The following HELQ variants were observed in gnomAD, a reference collection of about 807,000 sequenced individuals.
HELQ encodes the protein helicase, POLQ like.
In HELQ, 77 loss-of-function variants were observed where a neutral mutation model predicts 111.6. The observed-to-expected ratio is 0.69, with a 90% CI of 0.57 to 0.83. The LOEUF (loss-of-function observed/expected upper bound fraction) is 0.83. Ranked by LOEUF, HELQ falls within the 40% of genes least tolerant of loss-of-function variation. The probability of loss-of-function intolerance (pLI) is 0.00; values close to 1 mark genes in which losing one functional copy is unlikely to be tolerated. For missense variants in HELQ, 1,200 were observed against 1,288.5 expected (o/e 0.93, Z 1.05); for synonymous variants, 438 against 454.7 (o/e 0.96, Z 0.47).
intron 6 of HELQ, among the ~76,000 whole-genome samples, chr4:83,441,709 T>C (rs188967817): frequency 5.3e-5 from 8 of 152,128 alleles, no homozygotes; most frequent in Admixed American, 3.3e-4. Flanking sequence ...GTGTGAGTCT[T>C]GGTGTTCTTA....
At chr4:83,439,207 A>G (rs1720628435) in intron 8 of HELQ, among the ~76,000 whole-genome samples, 1 of 151,868 alleles carries the variant, frequency 6.6e-6, no homozygotes, top group Non-Finnish European at 1.5e-5. Flanking sequence ...AGCTAGGACT[A>G]CAGGTGCACG....
chr4:83,449,435 A>C (rs1721229957), intron 2 of HELQ, among the ~76,000 whole-genome samples: 1 of 152,254 alleles, frequency 6.6e-6, no homozygotes, highest in South Asian at 2.1e-4. Context: ...CAAACTAATA[A>C]AAACTTTAAC....
At chr4:83,445,978 A>G in intron 5 of HELQ, 36 bp downstream of exon 5, 1 of 1,297,052 alleles carries the variant, frequency 7.7e-7, no homozygotes, top group Non-Finnish European at 1.1e-6. Flanking sequence ...TCTTGATTAT[A>G]AATCAATTCA....
At chr4:83,412,909 T>A (rs1250761590) in intron 17 of HELQ, among the ~76,000 whole-genome samples, 1 of 152,232 alleles carries the variant, frequency 6.6e-6, no homozygotes, top group Non-Finnish European at 1.5e-5. Flanking sequence ...GCCAGAAGAA[T>A]CTGAACAGAC....
rs1428061433 is a variant in HELQ at position 83,429,638 on chromosome 4, A to G, written c.2404T>C (p.Ser802Pro). Residue 802 changes from serine to proline, a missense_variant, in exon 12 of 18, where the codon TCA becomes CCA. By Grantham distance (74) the Ser-to-Pro change is moderately conservative. Around this residue, in one of 3 missense-constraint regions of HELQ, gnomAD observed 585 missense variants for 665.3 expected, o/e 0.88. Coordinates refer to ENST00000295488, the MANE Select transcript of HELQ (RefSeq NM_133636.5). The part of the protein sequence containing the change: ...EKSLWEITVE[S>P]LRYLTEKGLL... ...CCTTTTTCTGTCAGGTATCTAAGTGATTCAACAGTTATTTCCCAGAGACTT... is the reference window on the plus strand; with the variant it reads ...CCTTTTTCTGTCAGGTATCTAAGTGGTTCAACAGTTATTTCCCAGAGACTT... The G allele has an allele frequency of 1.9e-6, 3 of 1,612,722 alleles. No individual in the cohort carries two copies. Among genetic ancestry groups the G allele is most frequent in the Non-Finnish European group, 2.5e-6 (3 of 1,178,900 alleles).
intron 17 of HELQ, among the ~76,000 whole-genome samples, chr4:83,411,718 T>C (rs532036499): frequency 1.3e-5 from 2 of 152,072 alleles, no homozygotes; most frequent in South Asian, 2.1e-4. Flanking sequence ...TCATAGCTGA[T>C]TGCAGCCTTC....
chr4:83,427,825 A>C (rs1719926520), intron 12 of HELQ, 105 bp from the exon 13 acceptor site: 3 of 700,106 alleles, frequency 4.3e-6, no homozygotes, highest in Non-Finnish European at 4.4e-6. Flanking sequence ...AAAAGTCTTC[A>C]AAATCTCTTA....
chr4:83,431,747 GT>G lies in HELQ; in HGVS notation c.2211del (p.Lys737AsnfsTer25). 6.6e-7 allele frequency: 1 copy of G among 1,520,452 alleles called. No homozygotes were observed. Among genetic ancestry groups the G allele is most frequent in the Non-Finnish European group, 8.9e-7 (1 of 1,127,400 alleles). 94.2% of individuals were successfully genotyped at this position (1,520,452 alleles called of 1,614,324 possible). A position where few individuals can be genotyped will look rare whatever the true frequency, so the allele number is the denominator to read the frequency against. ...AGATGGCTGTAACAGTTTTCCAATG[GT>G]TTAGTTATTAACTCCAATACCTATA... ...DKQQVLELIT[K>X]PLENCYSHLV... On this transcript the variant is annotated frameshift_variant, in exon 11 of 18. Transcript: ENST00000295488. LOFTEE classifies it high-confidence loss of function.
chr4:83,447,104 T>C lies in HELQ; in HGVS notation c.1192-69A>G. On this transcript the variant is annotated intron_variant, in intron 3 of 17. Transcript: ENST00000295488. ...GGCCAATGCCTGTAATCCCAGTACC[T>C]TGGGAGGCTGAGGCGGGAAGATCAC... The C allele has an allele frequency of 4.5e-6, 4 of 897,464 alleles. No homozygotes were observed. The South Asian group carries it at 6.2e-5, about 14-fold the overall frequency. The allele number at this position is 897,464 out of a possible 1,614,324, so 55.6% of individuals were successfully genotyped here. A position where few individuals can be genotyped will look rare whatever the true frequency, so the allele number is the denominator to read the frequency against.
Position 83,454,922 on chromosome 4 carries a change from T to C in HELQ, c.297+475A>G, listed in dbSNP as rs1341102850. On this transcript the variant is annotated intron_variant, in intron 1 of 17. Coordinates refer to ENST00000295488, the MANE Select transcript of HELQ (RefSeq NM_133636.5). ...GTTCCTAGGAATTTGGAATTGAGAC[T>C]GAGAAACTGAATACTGACTTGGAGT... Among the ~76,000 whole-genome samples the C allele has an allele frequency of 1.3e-5, 2 of 152,136 alleles. 1 individual carries two copies. The highest frequency in any genetic ancestry group is 1.3e-4 in the Admixed American group (2 of 15,284).
intron 17 of HELQ, among the ~76,000 whole-genome samples, chr4:83,409,830 C>T (rs577900372): frequency 1.9e-4 from 29 of 152,062 alleles, no homozygotes; most frequent in African/African-American, 6.0e-4. Flanking sequence ...AAGGCAAAAT[C>T]ATATTAGAAA....
At position 83,451,471 on chromosome 4, in the gene HELQ, G is replaced by C. The variant is rs548985014; in HGVS notation, c.1012+1760C>G. Among the ~76,000 whole-genome samples, 9 of 151,990 alleles carry C rather than the reference G, an allele frequency of 5.9e-5. No individual in the cohort carries two copies. The South Asian group carries it at 1.7e-3, about 28-fold the overall frequency. On this transcript the variant is annotated intron_variant, in intron 2 of 17. Coordinates refer to ENST00000295488, the MANE Select transcript of HELQ (RefSeq NM_133636.5). ...AGGTCAGGAGATCGAGACCATCCTGGCTAACACGGTGAAACCTTGTCTCTA... is the reference window on the plus strand; with the variant it reads ...AGGTCAGGAGATCGAGACCATCCTGCCTAACACGGTGAAACCTTGTCTCTA...
intron 5 of HELQ, among the ~76,000 whole-genome samples, chr4:83,444,643 G>A (rs1720957200): frequency 6.6e-6 from 1 of 152,130 alleles, no homozygotes; most frequent in African/African-American, 2.4e-5. Flanking sequence ...AACCCAAATA[G>A]GCCTTCTTTG....
chr4:83,433,608 G>A (rs999374487), intron 9 of HELQ, among the ~76,000 whole-genome samples: 4 of 149,328 alleles, frequency 2.7e-5, no homozygotes, highest in Non-Finnish European at 5.9e-5. Flanking sequence ...GGAGCTTGCA[G>A]TGAGCGGAGA....
At chr4:83,441,923 G>A (rs1430110012) in intron 6 of HELQ, among the ~76,000 whole-genome samples, 2 of 151,842 alleles carry the variant, frequency 1.3e-5, no homozygotes, top group East Asian at 1.9e-4. Flanking sequence ...ACAGGCATGC[G>A]CTACCACGCC....
At chr4:83,449,459 G>T (rs551897458) in intron 2 of HELQ, among the ~76,000 whole-genome samples, 1 of 152,306 alleles carries the variant, frequency 6.6e-6, no homozygotes, top group East Asian at 1.9e-4. Flanking sequence ...CTCTCATGGA[G>T]ACCTGAACTT....
At chr4:83,448,601 C>T (rs1228834020) in intron 3 of HELQ, among the ~76,000 whole-genome samples, 182 bp downstream of exon 3, 3 of 148,234 alleles carry the variant, frequency 2.0e-5, no homozygotes, top group Non-Finnish European at 3.0e-5. Context: ...ACCTGGGAGG[C>T]GGAGGTTGCA....
chr4:83,432,041 A>T lies in HELQ; in HGVS notation c.2190+85T>A, dbSNP rs1003054399. On this transcript the variant is annotated intron_variant, in intron 10 of 17. Transcript: ENST00000295488. Reference sequence around the variant, plus strand: ...ATCATTTAAAGAAAATTAATAATTAATTTTTAAAAGATGATTTCATAAAAG... The same window carrying T: ...ATCATTTAAAGAAAATTAATAATTATTTTTTAAAAGATGATTTCATAAAAG... The T allele has an allele frequency of 6.0e-6, 5 of 835,952 alleles. No individual in the cohort carries two copies. The African/African-American group carries it at 7.2e-5, about 12-fold the overall frequency. 51.8% of individuals were successfully genotyped at this position (835,952 alleles called of 1,614,324 possible). A position where few individuals can be genotyped will look rare whatever the true frequency, so the allele number is the denominator to read the frequency against.
At position 83,448,732 on chromosome 4, in the gene HELQ, G is replaced by A. The variant is rs780569469; in HGVS notation, c.1191+51C>T. ...AGTTATCACATTTACAGATCTTAAC[G>A]TCAAAGTACTAGCAAATAACATTTG... On this transcript the variant is annotated intron_variant, in intron 3 of 17. Transcript: ENST00000295488. 18 of 1,425,954 alleles carry A rather than the reference G, an allele frequency of 1.3e-5. No homozygotes were observed. In the East Asian group the frequency reaches 3.3e-4, roughly 26 times the overall value. The allele number at this position is 1,425,954 out of a possible 1,614,324, so 88.3% of individuals were successfully genotyped here.
Sources: allele counts gnomAD v4.1 joint callset (sites outside exome capture counted in the v4.1 genomes callset), GRCh38; gene constraint gnomAD v4.1.1; regional missense constraint gnomAD v4.1.1; transcripts MANE v1.5; gene names NCBI Gene and HGNC (gene_info 2026-07-23, HGNC 2026-07-21).